Variants in ANKFN1 observed in about 807,000 individuals in gnomAD.
ANKFN1 encodes ankyrin repeat and fibronectin type-III domain-containing protein 1.
In ANKFN1, 74 loss-of-function variants were observed where a neutral mutation model predicts 108.7. The observed-to-expected ratio is 0.68, with a 90% CI of 0.56 to 0.83. ANKFN1 has a LOEUF of 0.83. Ranked by LOEUF, ANKFN1 falls within the 40% of genes least tolerant of loss-of-function variation. ANKFN1 has a pLI of 0.00. For synonymous variants in ANKFN1, 547 were observed against 516.2 expected (o/e 1.06, Z -0.81); for missense variants, 1,505 against 1,382.3 (o/e 1.09, Z -1.41).
intron 12 of ANKFN1, 141 bp from the exon 13 acceptor site, chr17:56,457,116 T>C: frequency 1.8e-6 from 2 of 1,131,790 alleles, no homozygotes; most frequent in South Asian, 1.6e-5. Flanking sequence ...TTTCTCTCTT[T>C]TGAGTTGTAA....
chr17:56,275,207 A>G (rs1423709850), intron 3 of ANKFN1, among the ~76,000 whole-genome samples: 1 of 152,224 alleles, frequency 6.6e-6, no homozygotes, highest in Non-Finnish European at 1.5e-5. Context: ...ACAGTGAGAC[A>G]GATAAATTAA....
chr17:56,499,486 T>C (rs1031525176), intron 20 of ANKFN1, among the ~76,000 whole-genome samples: 1 of 152,040 alleles, frequency 6.6e-6, no homozygotes, highest in African/African-American at 2.4e-5. Context: ...CCAACCTCTA[T>C]TAAATAGCAT....
At chr17:56,121,377 G>T (rs1167890134) in intron 4 of ANKFN1, among the ~76,000 whole-genome samples, 1 of 151,996 alleles carries the variant, frequency 6.6e-6, no homozygotes, top group Non-Finnish European at 1.5e-5. Flanking sequence ...AGAGCACTCA[G>T]CTAGCTTAAT....
chr17:56,103,224 A>G (rs553419850), intron 4 of ANKFN1, among the ~76,000 whole-genome samples: 3 of 152,322 alleles, frequency 2.0e-5, no homozygotes, highest in South Asian at 2.1e-4. Flanking sequence ...CTGCCATGCT[A>G]TGTATCCTGC....
At chr17:56,434,473 T>C (rs1285730776) in intron 8 of ANKFN1, among the ~76,000 whole-genome samples, 1 of 152,080 alleles carries the variant, frequency 6.6e-6, no homozygotes, top group Non-Finnish European at 1.5e-5. Context: ...GAAATTTAAT[T>C]TGGGGAAAAA....
chr17:56,363,612 T>C (rs919457906), intron 6 of ANKFN1, among the ~76,000 whole-genome samples: 26 of 152,318 alleles, frequency 1.7e-4, no homozygotes, highest in African/African-American at 5.5e-4. Flanking sequence ...CAAAGAGATG[T>C]CTGCACTTCC....
intron 17 of ANKFN1, 51 bp downstream of exon 17, chr17:56,480,869 G>T (rs934667427): frequency 1.9e-6 from 3 of 1,562,398 alleles, no homozygotes; most frequent in East Asian, 2.3e-5. Flanking sequence ...CATGGAAACT[G>T]CATTGTAACA....
chr17:56,453,231 T>A (rs1041630093), intron 11 of ANKFN1, among the ~76,000 whole-genome samples: 1 of 152,086 alleles, frequency 6.6e-6, no homozygotes, highest in South Asian at 2.1e-4. Flanking sequence ...CTTATTTGCG[T>A]GCATAGTTCC....
intron 3 of ANKFN1, among the ~76,000 whole-genome samples, chr17:56,266,485 T>C (rs2043654966): frequency 6.6e-6 from 1 of 152,142 alleles, no homozygotes. Flanking sequence ...TCTGTGCACA[T>C]TGGTGGTTTC....
chr17:56,414,756 A>G (rs1164338734), intron 8 of ANKFN1, among the ~76,000 whole-genome samples: 1 of 152,200 alleles, frequency 6.6e-6, no homozygotes, highest in Non-Finnish European at 1.5e-5. Flanking sequence ...ATGGTGGCTC[A>G]TGTGTTTAAT....
intron 1 of ANKFN1, among the ~76,000 whole-genome samples, chr17:56,167,257 G>GTATA (rs1388862562): frequency 1.1e-5 from 1 of 89,272 alleles, no homozygotes; most frequent in African/African-American, 4.1e-5. Context: ...ATATGTATGT[G>GTATA]TGTGTATATA....
chr17:56,198,425 G>A (rs1002238203), intron 1 of ANKFN1, among the ~76,000 whole-genome samples: 3 of 152,060 alleles, frequency 2.0e-5, no homozygotes, highest in Non-Finnish European at 4.4e-5. Context: ...AAGAGCTCAG[G>A]CAGTAATATG....
At chr17:56,459,447 C>T (rs750029470) in intron 14 of ANKFN1, among the ~76,000 whole-genome samples, 2 of 152,208 alleles carry the variant, frequency 1.3e-5, no homozygotes, top group East Asian at 3.9e-4. Flanking sequence ...TCTCTTCCAA[C>T]TCAAGAAGCA....
intron 4 of ANKFN1, among the ~76,000 whole-genome samples, chr17:56,093,595 A>G (rs2143200013): frequency 6.6e-6 from 1 of 151,488 alleles, no homozygotes. Context: ...ATGCGTTATG[A>G]GCCACACCCA....
intron 3 of ANKFN1, among the ~76,000 whole-genome samples, chr17:56,306,704 C>CTTCACAGAA (rs2144404861): frequency 6.6e-6 from 1 of 152,326 alleles, no homozygotes; most frequent in East Asian, 1.9e-4. Flanking sequence ...CAATGACTTT[C>CTTCACAGAA]TTCACAGAAT....
chr17:56,094,686 T>A lies in ANKFN1; in HGVS notation c.288+48361T>A, dbSNP rs187924948. ...GCCCAGCTAATTGGGTTTTTTTTTTTTTTTTTTGTATTTTTAGTAGAGACG... is the reference window on the plus strand; with the variant it reads ...GCCCAGCTAATTGGGTTTTTTTTTTATTTTTTTGTATTTTTAGTAGAGACG... On this transcript the variant is annotated intron_variant, in intron 4 of 12. Coordinates refer to the ANKFN1 transcript ENST00000635860. Among the ~76,000 whole-genome samples, 138 of 148,468 alleles carry A rather than the reference T, an allele frequency of 9.3e-4. 2 individuals carry two copies. The highest frequency in any genetic ancestry group is 7.0e-3 in the Middle Eastern group (2 of 284).
intron 8 of ANKFN1, among the ~76,000 whole-genome samples, chr17:56,399,810 A>G (rs936083305): frequency 4.8e-5 from 7 of 147,300 alleles, no homozygotes; most frequent in Admixed American, 1.4e-4. Flanking sequence ...CTGTTATTTC[A>G]TTCCTTTTTA....
At chr17:56,082,114 T>A (rs1905252956) in intron 4 of ANKFN1, among the ~76,000 whole-genome samples, 1 of 152,188 alleles carries the variant, frequency 6.6e-6, no homozygotes, top group Non-Finnish European at 1.5e-5. Flanking sequence ...GGCCCTCTCC[T>A]GCCCTGTTCA....
At chr17:56,335,427 C>A (rs1012200649) in intron 4 of ANKFN1, among the ~76,000 whole-genome samples, 1 of 152,040 alleles carries the variant, frequency 6.6e-6, no homozygotes, top group African/African-American at 2.4e-5. Flanking sequence ...CTTGAAGAGG[C>A]CCTTCACTTC....
Sources: allele counts gnomAD v4.1 joint callset (sites outside exome capture counted in the v4.1 genomes callset), GRCh38; gene constraint gnomAD v4.1.1; transcripts MANE v1.5; gene names NCBI Gene and HGNC (gene_info 2026-07-23, HGNC 2026-07-21).